LTB4R: variants seen among roughly 807,000 people sequenced by gnomAD.
LTB4R encodes leukotriene B4 receptor 1.
For missense variants in LTB4R, 470 were observed against 485.6 expected (o/e 0.97, Z 0.30); for synonymous variants, 250 against 230.7 (o/e 1.08, Z -0.76).
At position 24,315,699 on chromosome 14, in the gene LTB4R, C is replaced by A. The variant is rs1380791425; in HGVS notation, c.48C>A (p.Phe16Leu). 1 of 1,614,186 alleles carries A rather than the reference C, an allele frequency of 6.2e-7. No individual in the cohort carries two copies. The highest frequency in any genetic ancestry group is 8.5e-7 in the Non-Finnish European group (1 of 1,180,024). ...SAAPPSLGVE[F>L]ISLLAIILLS... ...CACCCCCCTCACTAGGTGTAGAGTT[C>A]ATCTCTCTGCTGGCTATCATCCTGC... is the stretch of plus-strand genomic sequence containing the variant. Residue 16 changes from phenylalanine to leucine, a missense_variant, in exon 2 of 2, where the codon TTC (phenylalanine) becomes TTA (leucine). Physicochemically the swap from Phe to Leu is conservative, Grantham distance 22. Coordinates refer to ENST00000345363, the MANE Select transcript of LTB4R (RefSeq NM_001143919.3).
rs2041790829 is a variant in LTB4R at position 24,317,845 on chromosome 14, GA to G, written c.*1136del. The G allele has an allele frequency of 5.8e-6, 1 of 173,698 alleles. No individual in the cohort carries two copies. The highest frequency in any genetic ancestry group is 2.4e-5 in the African/African-American group (1 of 41,462). 10.8% of individuals were successfully genotyped at this position (173,698 alleles called of 1,614,324 possible). On this transcript the variant is annotated 3_prime_UTR_variant, in exon 2 of 2. Coordinates refer to ENST00000345363, the MANE Select transcript of LTB4R (RefSeq NM_001143919.3). ...AAGGGATGTTGGATGGACCTAAGAA[GA>G]GGAGATCCCCAAGCTGTCTACAGAT...
In LTB4R at chr14:24,316,573, A is replaced by G; in HGVS notation, c.922A>G (p.Thr308Ala). ...VGFVAKLLEG[T>A]GSEASSTRRG... ...CTTCGTCGCCAAGCTGCTGGAGGGC[A>G]CGGGCTCCGAGGCGTCCAGCACGCG... Residue 308 changes from threonine to alanine, a missense_variant, in exon 2 of 2, where the codon ACG becomes GCG. Physicochemically the swap from Thr to Ala is moderately conservative, Grantham distance 58. Coordinates refer to ENST00000345363, the MANE Select transcript of LTB4R (RefSeq NM_001143919.3). 1 of 1,438,538 alleles carries G rather than the reference A, an allele frequency of 7.0e-7. No individual in the cohort carries two copies. The highest frequency in any genetic ancestry group is 9.1e-7 in the Non-Finnish European group (1 of 1,103,414). The allele number at this position is 1,438,538 out of a possible 1,614,324, so 89.1% of individuals were successfully genotyped here.
In LTB4R at chr14:24,311,625, A is replaced by AGG. The variant is rs753510858; in HGVS notation, c.-193_-192dup. ...GGAGGCCCGAGGGGGCGGCCGCTCT[A>AGG]GGGAAGGGACCATGGAGCTCCGAAC... On this transcript the variant is annotated 5_prime_UTR_variant, in exon 1 of 2. Transcript: ENST00000345363. 1 of 1,613,352 alleles carries AGG rather than the reference A, an allele frequency of 6.2e-7. No individual in the cohort carries two copies. Among genetic ancestry groups the AGG allele is most frequent in the Admixed American group, 1.7e-5 (1 of 60,036 alleles).
intron 1 of LTB4R, 26 bp downstream of exon 1, chr14:24,311,830 C>A: frequency 1.6e-6 from 2 of 1,225,676 alleles, no homozygotes; most frequent in Non-Finnish European, 2.2e-6. Context: ...CATTTGGGGA[C>A]CCTTCTTTGA....
chr14:24,316,869 G>C lies in LTB4R; in HGVS notation c.*159G>C, dbSNP rs1397720442. 2 of 557,314 alleles carry C rather than the reference G, an allele frequency of 3.6e-6. No individual in the cohort carries two copies. Among genetic ancestry groups the C allele is most frequent in the Non-Finnish European group, 6.0e-6 (2 of 330,784 alleles). 34.5% of individuals were successfully genotyped at this position (557,314 alleles called of 1,614,324 possible). On this transcript the variant is annotated 3_prime_UTR_variant, in exon 2 of 2. Coordinates refer to ENST00000345363, the MANE Select transcript of LTB4R (RefSeq NM_001143919.3). Reference sequence around the variant, plus strand: ...AGAGGGAGAGGTGGAGCAAAGTGAGGGCCGAGTGAGAGCGTGCTCCAGCCT... The same window carrying C: ...AGAGGGAGAGGTGGAGCAAAGTGAGCGCCGAGTGAGAGCGTGCTCCAGCCT...
chr14:24,316,664 A>G lies in LTB4R; in HGVS notation c.1013A>G (p.Glu338Gly). The G allele has an allele frequency of 6.5e-7, 1 of 1,541,670 alleles. No homozygotes were observed. The highest frequency in any genetic ancestry group is 8.7e-7 in the Non-Finnish European group (1 of 1,144,792). ...GPAALEPGPS[E>G]SLTASSPLKL... is the part of the protein sequence containing the mutation. The stretch of plus-strand genomic sequence containing the variant: ...GCCGCTCTGGAGCCCGGCCCTTCCG[A>G]GAGCCTCACTGCCTCCAGCCCTCTC... Residue 338 changes from glutamate (E) to glycine (G), a missense_variant, in exon 2 of 2, where the codon GAG becomes GGG. Physicochemically the swap from Glu to Gly is moderately conservative, Grantham distance 98. Coordinates refer to ENST00000345363, the MANE Select transcript of LTB4R (RefSeq NM_001143919.3).
intron 1 of LTB4R, 182 bp downstream of exon 1, chr14:24,311,986 T>C (rs2041719201): frequency 2.0e-6 from 1 of 497,888 alleles, no homozygotes; most frequent in Non-Finnish European, 3.6e-6. Context: ...TGTGCCAGCA[T>C]TGCTTACTTG....
In LTB4R at chr14:24,317,535, T is replaced by G. The variant is rs2041787821; in HGVS notation, c.*825T>G. On this transcript the variant is annotated 3_prime_UTR_variant, in exon 2 of 2. Transcript: ENST00000345363. ...GGGATGAGTCATTATTTCCTAGAGA[T>G]GACTGTTGTTTTAGAGAACCTTGGT... 2 of 167,114 alleles carry G rather than the reference T, an allele frequency of 1.2e-5. No homozygotes were observed. Among genetic ancestry groups the G allele is most frequent in the African/African-American group, 2.4e-5 (1 of 41,468 alleles). The allele number at this position is 167,114 out of a possible 1,614,324, so 10.4% of individuals were successfully genotyped here. A position where few individuals can be genotyped will look rare whatever the true frequency, so the allele number is the denominator to read the frequency against.
chr14:24,313,918 C>T (rs1338647301), intron 1 of LTB4R: 1 of 152,182 alleles, frequency 6.6e-6, no homozygotes, highest in Non-Finnish European at 1.5e-5. Context: ...TTGCAGGAGA[C>T]TTCAAGGAAA....
At chr14:24,312,706 T>C (rs1323965488) in intron 1 of LTB4R, among the ~76,000 whole-genome samples, 1 of 152,230 alleles carries the variant, frequency 6.6e-6, no homozygotes, top group East Asian at 1.9e-4. Flanking sequence ...CCCCACCTTT[T>C]GGAATCCTTA....
chr14:24,316,154 G>T lies in LTB4R; in HGVS notation c.503G>T (p.Cys168Phe). ...VVPWKTNMSL[C>F]FPRYPSEGHR... ...CCCTGGAAAACGAACATGAGCCTGTGCTTCCCGCGGTACCCCAGCGAAGGG... is the reference window on the plus strand; with the variant it reads ...CCCTGGAAAACGAACATGAGCCTGTTCTTCCCGCGGTACCCCAGCGAAGGG... The change falls in exon 2 of 2, where the codon TGC (cysteine) becomes TTC (phenylalanine). Residue 168 changes from cysteine to phenylalanine, a missense_variant. By Grantham distance (205) the Cys-to-Phe change is radical (BLOSUM62 -2). Coordinates refer to ENST00000345363, the MANE Select transcript of LTB4R (RefSeq NM_001143919.3). The T allele has an allele frequency of 6.2e-7, 1 of 1,613,920 alleles. No homozygotes were observed. The highest frequency in any genetic ancestry group is 1.1e-5 in the South Asian group (1 of 91,092).
At position 24,316,447 on chromosome 14, in the gene LTB4R, G is replaced by T; in HGVS notation, c.796G>T (p.Ala266Ser). The change falls in exon 2 of 2, where the codon GCC becomes TCC. Residue 266 changes from alanine (A) to serine (S), a missense_variant. Physicochemically the swap from Ala to Ser is moderately conservative, Grantham distance 99. Transcript: ENST00000345363. ...LGLVGKRLSLARNVLIALAFL... is the reference protein window; with the variant it reads ...LGLVGKRLSLSRNVLIALAFL... ...GCTCGTGGGGAAGCGGCTGAGCCTG[G>T]CCCGCAACGTGCTCATCGCACTCGC... 6.4e-7 allele frequency: 1 copy of T among 1,570,510 alleles called. No homozygotes were observed. Among genetic ancestry groups the T allele is most frequent in the South Asian group, 1.1e-5 (1 of 87,278 alleles).
Position 24,316,595 on chromosome 14 carries a change from C to A in LTB4R, c.944C>A (p.Thr315Lys). ...LEGTGSEASS[T>K]RRGGSLGQTA... ...GGCACGGGCTCCGAGGCGTCCAGCA[C>A]GCGCCGCGGGGGCAGCCTGGGCCAG... Residue 315 changes from threonine to lysine, a missense_variant, in exon 2 of 2, where the codon ACG (threonine) becomes AAG (lysine). Thr to Lys is a moderately conservative substitution (Grantham distance 78). Coordinates refer to ENST00000345363, the MANE Select transcript of LTB4R (RefSeq NM_001143919.3). 2.1e-6 allele frequency: 3 copies of A among 1,462,426 alleles called. No individual in the cohort carries two copies. The highest frequency in any genetic ancestry group is 2.7e-6 in the Non-Finnish European group (3 of 1,113,988). 90.6% of individuals were successfully genotyped at this position (1,462,426 alleles called of 1,614,324 possible). A position where few individuals can be genotyped will look rare whatever the true frequency, so the allele number is the denominator to read the frequency against.
intron 1 of LTB4R, among the ~76,000 whole-genome samples, chr14:24,315,301 T>G (rs911767069): frequency 6.6e-6 from 1 of 152,046 alleles, no homozygotes; most frequent in African/African-American, 2.4e-5. Flanking sequence ...GGTGCAGCAT[T>G]GGTAGGAACT....
chr14:24,311,990 T>A, intron 1 of LTB4R, 186 bp downstream of exon 1: 1 of 494,110 alleles, frequency 2.0e-6, no homozygotes, highest in Non-Finnish European at 3.7e-6. Context: ...CCAGCATTGC[T>A]TACTTGTTGC....
At position 24,311,593 on chromosome 14, in the gene LTB4R, G is replaced by A. The variant is rs1176937045; in HGVS notation, c.-227G>A. 1 of 1,612,144 alleles carries A rather than the reference G, an allele frequency of 6.2e-7. No homozygotes were observed. The highest frequency in any genetic ancestry group is 1.3e-5 in the African/African-American group (1 of 75,074). Reference sequence around the variant, plus strand: ...CGTTTCCTCACGCGGCTCTTCGAAGGCTCTGGGGAGGCCCGAGGGGGCGGC... The same window carrying A: ...CGTTTCCTCACGCGGCTCTTCGAAGACTCTGGGGAGGCCCGAGGGGGCGGC... On this transcript the variant is annotated 5_prime_UTR_variant, in exon 1 of 2. Coordinates refer to ENST00000345363, the MANE Select transcript of LTB4R (RefSeq NM_001143919.3).
chr14:24,316,563 G>A lies in LTB4R; in HGVS notation c.912G>A (p.Leu304=). 1 of 1,438,338 alleles carries A rather than the reference G, an allele frequency of 7.0e-7. No homozygotes were observed. Among genetic ancestry groups the A allele is most frequent in the East Asian group, 2.8e-5 (1 of 35,148 alleles). The allele number at this position is 1,438,338 out of a possible 1,614,324, so 89.1% of individuals were successfully genotyped here. Residue 304 remains leucine (L), a synonymous_variant, in exon 2 of 2, where the codon CTG becomes CTA. Transcript: ENST00000345363. ...RSAGVGFVAK[L]LEGTGSEASS... is the part of the protein sequence containing the mutation. ...CGGGCGTGGGCTTCGTCGCCAAGCT[G>A]CTGGAGGGCACGGGCTCCGAGGCGT...
rs1358568817 is a variant in LTB4R, at chr14:24,315,887, C to T, written c.236C>T (p.Ala79Val). Reference sequence around the variant, plus strand: ...GCTCCCTTTTTCCTTCACTTCCTGGCCCAAGGCACCTGGAGTTTTGGACTG... The same window carrying T: ...GCTCCCTTTTTCCTTCACTTCCTGGTCCAAGGCACCTGGAGTTTTGGACTG... The part of the protein sequence containing the change: ...LTAPFFLHFL[A>V]QGTWSFGLAG... The change falls in exon 2 of 2, where the codon GCC becomes GTC. Residue 79 changes from alanine (A) to valine (V), a missense_variant. Coordinates refer to ENST00000345363, the MANE Select transcript of LTB4R (RefSeq NM_001143919.3). 6.2e-7 allele frequency: 1 copy of T among 1,614,222 alleles called. No individual in the cohort carries two copies. Among genetic ancestry groups the T allele is most frequent in the East Asian group, 2.2e-5 (1 of 44,888 alleles).
rs762503141 is a variant in LTB4R, at chr14:24,311,508, A to G, written c.-312A>G. 6.2e-7 allele frequency: 1 copy of G among 1,602,508 alleles called. No homozygotes were observed. The highest frequency in any genetic ancestry group is 1.3e-5 in the African/African-American group (1 of 74,946). On this transcript the variant is annotated 5_prime_UTR_variant, in exon 1 of 2. Coordinates refer to ENST00000345363, the MANE Select transcript of LTB4R (RefSeq NM_001143919.3). ...TACGGCCTTGGCCTTCTTCAGTTCT[A>G]GCGTCAACCCGGTGCTCTACGTCTT...
Sources: allele counts gnomAD v4.1 joint callset (sites outside exome capture counted in the v4.1 genomes callset), GRCh38; gene constraint gnomAD v4.1.1; transcripts MANE v1.5; gene names NCBI Gene and HGNC (gene_info 2026-07-23, HGNC 2026-07-21).